The following POGLUT3 variants were observed in gnomAD, a reference collection of about 807,000 sequenced individuals.
POGLUT3 encodes KDEL (Lys-Asp-Glu-Leu) containing 2.
POGLUT3 carries 48 observed loss-of-function variants against 54.3 expected under a neutral mutation model. That is an observed-to-expected ratio of 0.88 (90% CI 0.70 to 1.12). The LOEUF is 1.12. POGLUT3 is among the 50% of genes most tolerant of loss of function. The pLI is 0.00. For missense variants in POGLUT3, 629 were observed against 618.7 expected (o/e 1.02, Z -0.18); for synonymous variants, 218 against 237.4 (o/e 0.92, Z 0.75).
chr11:108,473,605 T>C lies in POGLUT3; in HGVS notation c.*1222A>G, dbSNP rs1044597499. 2 of 152,244 alleles carry C rather than the reference T, an allele frequency of 1.3e-5. No individual in the cohort carries two copies. The highest frequency in any genetic ancestry group is 6.5e-5 in the Admixed American group (1 of 15,290). The allele number at this position is 152,244 out of a possible 1,614,324, so 9.4% of individuals were successfully genotyped here. Reference sequence around the variant, plus strand: ...GCTTGCCTTTGTTCTTGGCCTATTATTAGTGAATCCCAAGATAGCAGGCTT... The same window carrying C: ...GCTTGCCTTTGTTCTTGGCCTATTACTAGTGAATCCCAAGATAGCAGGCTT... On this transcript the variant is annotated 3_prime_UTR_variant, in exon 8 of 8. Transcript: ENST00000323468.
intron 5 of POGLUT3, among the ~76,000 whole-genome samples, chr11:108,480,144 T>C (rs1194339641): frequency 1.3e-5 from 2 of 152,208 alleles, no homozygotes; most frequent in African/African-American, 2.4e-5. Flanking sequence ...CCAGGAAAAC[T>C]ATTTTCAAAA....
chr11:108,497,862 A>G (rs563505472), intron 1 of POGLUT3, among the ~76,000 whole-genome samples: 2 of 152,314 alleles, frequency 1.3e-5, no homozygotes, highest in East Asian at 3.9e-4. Context: ...GATGGAAGGC[A>G]ACGTGTGACT....
chr11:108,494,915 T>C (rs1369959559), intron 1 of POGLUT3, among the ~76,000 whole-genome samples: 1 of 152,152 alleles, frequency 6.6e-6, no homozygotes, highest in Non-Finnish European at 1.5e-5. Context: ...CATTCATAAT[T>C]GAAGGAAATG....
Position 108,498,320 on chromosome 11 carries a change from A to G in POGLUT3, c.47T>C (p.Leu16Pro). The change falls in exon 1 of 8, where the codon CTG (leucine) becomes CCG (proline). Residue 16 changes from leucine to proline, a missense_variant. Transcript: ENST00000323468. ...RALLLQLRLA[L>P]LVAAGAPEVL... The stretch of plus-strand genomic sequence containing the variant: ...CTCCGGGGCCCCCGCGGCCACCAGC[A>G]GGGCGAGGCGCAGCTGCAGCAGCAG... 3.5e-6 allele frequency: 5 copies of G among 1,420,754 alleles called. No homozygotes were observed. Among genetic ancestry groups the G allele is most frequent in the Non-Finnish European group, 4.6e-6 (5 of 1,086,008 alleles). The allele number at this position is 1,420,754 out of a possible 1,614,324, so 88.0% of individuals were successfully genotyped here.
chr11:108,492,058 T>C (rs2093614322), intron 1 of POGLUT3, among the ~76,000 whole-genome samples: 1 of 150,758 alleles, frequency 6.6e-6, no homozygotes, highest in African/African-American at 2.4e-5. Context: ...TACAGCTAGT[T>C]ACCAGACTCT....
In POGLUT3 at chr11:108,482,972, T is replaced by A. The variant is rs117705881; in HGVS notation, c.685-750A>T. The stretch of plus-strand genomic sequence containing the variant: ...AGTCCATTTCCATCTCCACGGTCAA[T>A]GTCTCAGTTTAGACTCTCATCATTT... On this transcript the variant is annotated intron_variant, in intron 3 of 7. Coordinates refer to ENST00000323468, the MANE Select transcript of POGLUT3 (RefSeq NM_153705.5). Among the ~76,000 whole-genome samples, 1,097 of 152,272 alleles carry A rather than the reference T, an allele frequency of 7.2e-3. 10 individuals are homozygous for A. Among genetic ancestry groups the A allele is most frequent in the Non-Finnish European group, 0.013 (877 of 68,018 alleles).
chr11:108,477,518 C>A, intron 7 of POGLUT3, 89 bp downstream of exon 7: 1 of 761,004 alleles, frequency 1.3e-6, no homozygotes, highest in Non-Finnish European at 2.2e-6. Flanking sequence ...ACTGTGAGTC[C>A]TTCAGGAAGC....
rs745963438 is a variant in POGLUT3 at position 108,479,289 on chromosome 11, C to T, written c.1293+12G>A. On this transcript the variant is annotated intron_variant, in intron 6 of 7. Transcript: ENST00000323468. ...TTATTGCTTAAAGAAATAAAAATTG[C>T]TGGACGCATACCTTAGCCCATTTAA... The T allele has an allele frequency of 6.6e-5, 104 of 1,577,322 alleles. 5 individuals carry two copies. In the South Asian group the frequency reaches 1.2e-3, roughly 18 times the overall value.
Position 108,478,056 on chromosome 11 carries a change from C to T in POGLUT3, c.1294-345G>A, listed in dbSNP as rs368821445. 1.3e-4 allele frequency: 30 copies of T among 228,032 alleles called. No individual in the cohort carries two copies. In the East Asian group the frequency reaches 1.6e-3, roughly 12 times the overall value. The allele number at this position is 228,032 out of a possible 1,614,324, so 14.1% of individuals were successfully genotyped here. A position where few individuals can be genotyped will look rare whatever the true frequency, so the allele number is the denominator to read the frequency against. ...CCCAGCTACTCAGGAGGCTGAGGCACGAAATTCCTTGAACCCGGGAGGCAG... is the reference window on the plus strand; with the variant it reads ...CCCAGCTACTCAGGAGGCTGAGGCATGAAATTCCTTGAACCCGGGAGGCAG... On this transcript the variant is annotated intron_variant, in intron 6 of 7. Transcript: ENST00000323468.
At chr11:108,479,969 G>A (rs1318346882) in intron 5 of POGLUT3, among the ~76,000 whole-genome samples, 1 of 152,056 alleles carries the variant, frequency 6.6e-6, no homozygotes, top group African/African-American at 2.4e-5. Flanking sequence ...GAGTAGCTGG[G>A]ATTACAGGCA....
intron 7 of POGLUT3, among the ~76,000 whole-genome samples, chr11:108,476,031 T>C (rs1384318193): frequency 2.0e-5 from 3 of 152,002 alleles, no homozygotes; most frequent in Non-Finnish European, 4.4e-5. Context: ...CAGCTACTAG[T>C]GGGAGGCTGA....
chr11:108,498,076 C>T, intron 1 of POGLUT3, 89 bp downstream of exon 1: 6 of 1,177,140 alleles, frequency 5.1e-6, no homozygotes, highest in Non-Finnish European at 6.8e-6. Context: ...CGGGGAGGGA[C>T]GCCACGCAGG....
chr11:108,475,463 G>GTTTTT lies in POGLUT3; in HGVS notation c.1399-516_1399-512dup, dbSNP rs367899085. Among the ~76,000 whole-genome samples, 135 of 109,940 alleles carry GTTTTT rather than the reference G, an allele frequency of 1.2e-3. 14 individuals are homozygous for GTTTTT. Among genetic ancestry groups the GTTTTT allele is most frequent in the Admixed American group, 1.6e-3 (16 of 9,958 alleles). 72.1% of individuals were successfully genotyped at this position (109,940 alleles called of 152,430 possible). ...TATTTCTATAAATGGAGTTTTTTTT[G>GTTTTT]TTTTTGTTTTTTTTTTTTTTTGAGA... On this transcript the variant is annotated intron_variant, in intron 7 of 7. Coordinates refer to ENST00000323468, the MANE Select transcript of POGLUT3 (RefSeq NM_153705.5).
chr11:108,494,814 T>G (rs1332356011), intron 1 of POGLUT3, among the ~76,000 whole-genome samples: 5 of 152,316 alleles, frequency 3.3e-5, no homozygotes, highest in African/African-American at 9.6e-5. Flanking sequence ...CTCCACCCCT[T>G]ATTTCTTTTC....
chr11:108,475,614 C>T (rs771442520), intron 7 of POGLUT3, among the ~76,000 whole-genome samples: 8 of 151,556 alleles, frequency 5.3e-5, no homozygotes, highest in Admixed American at 1.3e-4. Flanking sequence ...ACTACAGGCG[C>T]GTACCACCAT....
In POGLUT3 at chr11:108,482,007, T is replaced by A. The variant is rs1368309635; in HGVS notation, c.900A>T (p.Thr300=). The A allele has an allele frequency of 1.2e-6, 2 of 1,607,648 alleles. No homozygotes were observed. The highest frequency in any genetic ancestry group is 2.7e-5 in the African/African-American group (2 of 74,756). The change falls in exon 4 of 8, where the codon ACA becomes ACT. Residue 300 remains threonine (T), a splice_region_variant and synonymous_variant. Transcript: ENST00000323468. ...TTAGCCTTGCATTTCCCTGAATACC[T>A]GTATTTCCCTGAATAGAGAGGAGAT... ...TNDLLSIQGN[T]GPSWINKTER...
rs2093594538 is a variant in POGLUT3, at chr11:108,482,361, A to G, written c.685-139T>C. 4.9e-6 allele frequency: 3 copies of G among 614,428 alleles called. No homozygotes were observed. The South Asian group carries it at 6.6e-5, about 14-fold the overall frequency. The allele number at this position is 614,428 out of a possible 1,614,324, so 38.1% of individuals were successfully genotyped here. On this transcript the variant is annotated intron_variant, in intron 3 of 7. Coordinates refer to ENST00000323468, the MANE Select transcript of POGLUT3 (RefSeq NM_153705.5). The stretch of plus-strand genomic sequence containing the variant: ...CAGAGAAGAGAGAAGAATGCCTGTC[A>G]TTGACAGGATGGCTGTGAATTTGTC...
intron 7 of POGLUT3, among the ~76,000 whole-genome samples, chr11:108,476,614 T>C (rs1322376645): frequency 1.3e-5 from 2 of 152,220 alleles, no homozygotes; most frequent in South Asian, 2.1e-4. Flanking sequence ...ACTTTTACTA[T>C]GCCTACAGAA....
intron 3 of POGLUT3, among the ~76,000 whole-genome samples, chr11:108,485,921 G>C (rs1312695957): frequency 1.3e-5 from 2 of 152,128 alleles, no homozygotes; most frequent in Admixed American, 1.3e-4. Context: ...GCCTCCCAAA[G>C]TGCTGTGATT....
Sources: gnomAD v4.1 joint callset for allele counts (sites outside exome capture counted in the v4.1 genomes callset) on GRCh38, gnomAD v4.1.1 for gene constraint, MANE v1.5 for transcripts, NCBI Gene and HGNC (gene_info 2026-07-23, HGNC 2026-07-21) for gene names.